Variants in BLTP2 observed in about 807,000 individuals in gnomAD.
BLTP2 encodes the protein bridge-like lipid transfer protein family member 2.
chr17:28,629,640 G>C, the BLTP2 span, among the ~76,000 whole-genome samples: 5 of 152,050 alleles, frequency 3.3e-5, no homozygotes, highest in Non-Finnish European at 2.9e-5. Flanking sequence ...ACCACGCCCA[G>C]CAAATTTTTG....
chr17:28,637,809 TCAGTA>T, the BLTP2 span: 12 of 1,605,240 alleles, frequency 7.5e-6, 1 homozygote, highest in South Asian at 1.2e-4. Context: ...GTAGCACACT[TCAGTA>T]TAGACTCCTT....
At chr17:28,640,377 A>T in the BLTP2 span, 1 of 620,324 alleles carries the variant, frequency 1.6e-6, no homozygotes, top group Non-Finnish European at 2.7e-6. Flanking sequence ...TGGGCAACAG[A>T]GCAAGACTCC....
At chr17:28,630,472 T>TG in the BLTP2 span, among the ~76,000 whole-genome samples, 1 of 145,560 alleles carries the variant, frequency 6.9e-6, no homozygotes, top group Admixed American at 6.8e-5. Context: ...ACTGTTTTTT[T>TG]TTTTTTTTTT....
At chr17:28,632,866 G>T in the BLTP2 span, 1 of 1,131,362 alleles carries the variant, frequency 8.8e-7, no homozygotes, top group Non-Finnish European at 1.2e-6. Flanking sequence ...TCCCCAGAGG[G>T]TCAAGCTAAA....
chr17:28,627,852 G>A, the BLTP2 span, among the ~76,000 whole-genome samples: 2 of 151,796 alleles, frequency 1.3e-5, no homozygotes, highest in Non-Finnish European at 2.9e-5. Flanking sequence ...GTAGAGATGG[G>A]GTTTTGCCAT....
At chr17:28,630,742 C>T in the BLTP2 span, among the ~76,000 whole-genome samples, 3 of 152,044 alleles carry the variant, frequency 2.0e-5, no homozygotes, top group South Asian at 6.2e-4. Flanking sequence ...CCTTGGCCTC[C>T]CAAAGTGCTG....
chr17:28,626,212 T>C, the BLTP2 span, among the ~76,000 whole-genome samples: 1 of 152,320 alleles, frequency 6.6e-6, no homozygotes, highest in Non-Finnish European at 1.5e-5. Context: ...TTCAAAAACA[T>C]TCAGTAGTTC....
the BLTP2 span, chr17:28,621,115 C>T: frequency 3.8e-3 from 6,076 of 1,614,112 alleles, 19 homozygotes; most frequent in Non-Finnish European, 4.8e-3. Context: ...AGTTGCAACG[C>T]GAAATGATCC....
the BLTP2 span, chr17:28,641,860 G>C: frequency 6.3e-7 from 1 of 1,576,440 alleles, no homozygotes; most frequent in East Asian, 2.3e-5. Context: ...GAACAAGGCA[G>C]CCAAGAAGCT....
At chr17:28,621,385 G>A in the BLTP2 span, 580 of 1,605,436 alleles carry the variant, frequency 3.6e-4, 3 homozygotes, top group African/African-American at 5.6e-3. Context: ...ATGCAGAGGA[G>A]GGGGAGGGCT....
the BLTP2 span, chr17:28,616,016 G>T: frequency 8.3e-7 from 1 of 1,207,440 alleles, no homozygotes; most frequent in Non-Finnish European, 1.2e-6. This position sits in a 1 kb window ranked among gnomAD's most constrained non-coding sequence, Gnocchi z 4.8. Flanking sequence ...AAACAACCTA[G>T]CTGTCTCCCT....
the BLTP2 span, chr17:28,642,854 C>T: frequency 7.1e-7 from 1 of 1,406,770 alleles, no homozygotes; most frequent in Non-Finnish European, 1.0e-6. Flanking sequence ...AGATCCTCTG[C>T]TCCCCAGTGC....
At chr17:28,635,533 G>A in the BLTP2 span, 1 of 1,614,154 alleles carries the variant, frequency 6.2e-7, no homozygotes, top group Admixed American at 1.7e-5. Context: ...GCACTGTAGA[G>A]TGGCCAGGAC....
At chr17:28,638,116 C>A in the BLTP2 span, 5 of 1,611,868 alleles carry the variant, frequency 3.1e-6, no homozygotes, top group Non-Finnish European at 4.2e-6. Context: ...GCAGACGGAT[C>A]CCATTAGAAG....
the BLTP2 span, chr17:28,643,081 C>T: frequency 6.3e-7 from 1 of 1,582,282 alleles, no homozygotes; most frequent in Non-Finnish European, 8.7e-7. Flanking sequence ...AGCATTATGC[C>T]CTAAAAACAG....
chr17:28,618,742 C>A, the BLTP2 span: 1 of 1,494,298 alleles, frequency 6.7e-7, no homozygotes, highest in South Asian at 1.2e-5. Flanking sequence ...TAAGCTAGGT[C>A]AATGTCTCTC....
At chr17:28,614,572 T>C in the BLTP2 span, 1 of 168,206 alleles carries the variant, frequency 5.9e-6, no homozygotes, top group Non-Finnish European at 1.3e-5. Flanking sequence ...CAAGTGAACT[T>C]AGCACAGAGA....
At chr17:28,626,627 G>T in the BLTP2 span, among the ~76,000 whole-genome samples, 1 of 152,182 alleles carries the variant, frequency 6.6e-6, no homozygotes, top group African/African-American at 2.4e-5. Context: ...AATGGCCAAT[G>T]GTTTAATCAA....
chr17:28,628,882 C>T, the BLTP2 span, among the ~76,000 whole-genome samples: 5 of 150,182 alleles, frequency 3.3e-5, no homozygotes, highest in Middle Eastern at 3.4e-3. Flanking sequence ...TGCAGTGAGC[C>T]GAGATCACAC....
Sources: gnomAD v4.1 joint callset for allele counts (sites outside exome capture counted in the v4.1 genomes callset) on GRCh38, gnomAD v4.1.1 for gene constraint, Gnocchi (gnomAD v3.1) non-coding constraint, MANE v1.5 for transcripts, NCBI Gene and HGNC (gene_info 2026-07-23, HGNC 2026-07-21) for gene names.